FAT3: variants seen among roughly 807,000 people sequenced by gnomAD.
FAT3 encodes the protein protocadherin Fat 3.
Under a neutral mutation model 310.2 loss-of-function variants are expected in FAT3, and 95 were observed. The observed-to-expected ratio is 0.31, with a 90% CI of 0.26 to 0.36. The LOEUF is 0.36. Among genes scored for constraint, FAT3 ranks in the 10% least tolerant of loss-of-function variants. FAT3 has a pLI of 1.00. For synonymous variants in FAT3, 2,314 were observed against 2,192.9 expected (o/e 1.06, Z -1.54); for missense variants, 5,408 against 5,715.6 (o/e 0.95, Z 1.74).
chr11:92,574,683 G>T (rs1370226790), intron 3 of FAT3, among the ~76,000 whole-genome samples: 1 of 152,126 alleles, frequency 6.6e-6, no homozygotes, highest in Non-Finnish European at 1.5e-5. Context: ...CCAAATCATG[G>T]TGAGCTTCTA....
intron 1 of FAT3, among the ~76,000 whole-genome samples, chr11:92,265,522 T>C (rs1211432258): frequency 6.6e-6 from 1 of 152,026 alleles, no homozygotes; most frequent in Non-Finnish European, 1.5e-5. Context: ...GGAACACTTC[T>C]GGTGTGGGGT....
At chr11:92,287,479 A>G (rs1455208778) in intron 1 of FAT3, among the ~76,000 whole-genome samples, 2 of 152,142 alleles carry the variant, frequency 1.3e-5, no homozygotes, top group South Asian at 2.1e-4. Context: ...AATGTACAGT[A>G]TAATATTTTG....
At chr11:92,563,842 AT>A (rs925644322) in intron 3 of FAT3, among the ~76,000 whole-genome samples, 2 of 152,140 alleles carry the variant, frequency 1.3e-5, no homozygotes, top group African/African-American at 4.8e-5. Flanking sequence ...ATGCTGAGAG[AT>A]TTTGTCACCA....
chr11:92,793,134 A>G (rs987642988), intron 9 of FAT3, among the ~76,000 whole-genome samples, 157 bp downstream of exon 9: 10 of 152,198 alleles, frequency 6.6e-5, no homozygotes, highest in Non-Finnish European at 1.5e-4. Flanking sequence ...ATGATGGTGG[A>G]TAACGTTCTT....
chr11:92,565,903 A>G (rs1032140438), intron 3 of FAT3, among the ~76,000 whole-genome samples: 10 of 152,230 alleles, frequency 6.6e-5, no homozygotes, highest in Non-Finnish European at 1.3e-4. Context: ...AATAAGAGCT[A>G]TCTATGACAA....
chr11:92,885,476 CAG>C (rs1003796868), intron 24 of FAT3, among the ~76,000 whole-genome samples: 14 of 152,318 alleles, frequency 9.2e-5, no homozygotes, highest in Admixed American at 9.1e-4. Context: ...TTGGTGATAA[CAG>C]AGGGCCAAGA....
chr11:92,504,971 G>A (rs1004034891), intron 2 of FAT3, among the ~76,000 whole-genome samples: 2 of 152,132 alleles, frequency 1.3e-5, no homozygotes, highest in South Asian at 2.1e-4. Context: ...GAAGTGTTCA[G>A]TTTGTGTCTT....
intron 23 of FAT3, among the ~76,000 whole-genome samples, chr11:92,881,461 G>A (rs1204532941): frequency 6.6e-6 from 1 of 152,042 alleles, no homozygotes; most frequent in East Asian, 2.0e-4. Flanking sequence ...TTACAGATCA[G>A]TCTTACTTAT....
rs1217852933 is a variant in FAT3, at chr11:92,314,387, G to A, written c.-17-37709G>A. The A allele has an allele frequency of 4.8e-6, 3 of 631,362 alleles. No homozygotes were observed. The Admixed American group carries it at 1.9e-4, about 40-fold the overall frequency. 39.1% of individuals were successfully genotyped at this position (631,362 alleles called of 1,614,324 possible). A position where few individuals can be genotyped will look rare whatever the true frequency, so the allele number is the denominator to read the frequency against. ...AAACATATGAAGCCCCTCATTGCAT[G>A]AAACAAGGAAAATGCTGGACTGGTT... On this transcript the variant is annotated intron_variant, in intron 1 of 27. Coordinates refer to ENST00000525166, the MANE Select transcript of FAT3 (RefSeq NM_001367949.2).
At chr11:92,343,707 G>A (rs16917401) in intron 1 of FAT3, among the ~76,000 whole-genome samples, 10,120 of 152,184 alleles carry the variant, frequency 0.066, 1,121 homozygotes, top group African/African-American at 0.22. Context: ...TCATTCTTCA[G>A]TCGAAATGTG....
chr11:92,352,667 A>C lies in FAT3; in HGVS notation c.555A>C (p.Ala185=). The change falls in exon 2 of 28, where the codon GCA becomes GCC. Residue 185 remains alanine, a synonymous_variant. Coordinates refer to ENST00000525166, the MANE Select transcript of FAT3 (RefSeq NM_001367949.2). Reference sequence around the variant, plus strand: ...TTGCCCAGGTGACTGCAACAGACGCAGATATTGGTTCCAATGGAGAATTCT... The same window carrying C: ...TTGCCCAGGTGACTGCAACAGACGCCGATATTGGTTCCAATGGAGAATTCT... ...TSVAQVTATD[A]DIGSNGEFYY... is the part of the protein sequence containing the mutation. 1 of 1,613,876 alleles carries C rather than the reference A, an allele frequency of 6.2e-7. No homozygotes were observed. The highest frequency in any genetic ancestry group is 8.5e-7 in the Non-Finnish European group (1 of 1,179,862).
intron 3 of FAT3, among the ~76,000 whole-genome samples, chr11:92,660,056 C>T (rs1003889151): frequency 2.6e-5 from 4 of 152,076 alleles, no homozygotes; most frequent in African/African-American, 9.7e-5. Flanking sequence ...AAAACCACGG[C>T]AGACTTAGTG....
intron 3 of FAT3, among the ~76,000 whole-genome samples, chr11:92,551,790 C>T (rs569188548): frequency 6.6e-6 from 1 of 152,140 alleles, no homozygotes; most frequent in East Asian, 1.9e-4. Context: ...TTTCAACTTT[C>T]GGGTTTCTTT....
intron 4 of FAT3, among the ~76,000 whole-genome samples, chr11:92,703,660 A>G (rs760524156): frequency 6.6e-6 from 1 of 152,334 alleles, no homozygotes; most frequent in South Asian, 2.1e-4. Context: ...TTCTTATTGT[A>G]TCAACCTCGA....
intron 1 of FAT3, among the ~76,000 whole-genome samples, chr11:92,345,619 T>G (rs1465688222): frequency 6.6e-6 from 1 of 152,200 alleles, no homozygotes; most frequent in Non-Finnish European, 1.5e-5. Context: ...GAAGAAGTGG[T>G]GCTCACATTT....
At chr11:92,309,657 C>A (rs1947245072) in intron 1 of FAT3, among the ~76,000 whole-genome samples, 1 of 152,076 alleles carries the variant, frequency 6.6e-6, no homozygotes, top group African/African-American at 2.4e-5. Context: ...CTTCTTGTTA[C>A]CCTGGTAGCT....
chr11:92,813,216 C>T (rs1565618655), intron 13 of FAT3, among the ~76,000 whole-genome samples: 1 of 152,116 alleles, frequency 6.6e-6, no homozygotes, highest in Non-Finnish European at 1.5e-5. Context: ...ACTTGTGTTA[C>T]CTCCTGACCT....
intron 3 of FAT3, among the ~76,000 whole-genome samples, chr11:92,652,991 C>T (rs999464676): frequency 2.6e-5 from 4 of 152,178 alleles, no homozygotes; most frequent in East Asian, 1.9e-4. Flanking sequence ...GGTGAAACCC[C>T]GTCTCTACTA....
At chr11:92,710,244 A>G (rs926452290) in intron 4 of FAT3, among the ~76,000 whole-genome samples, 1 of 152,204 alleles carries the variant, frequency 6.6e-6, no homozygotes, top group Non-Finnish European at 1.5e-5. Flanking sequence ...GACTTTCCCC[A>G]TATTGAGAGA....
Sources: gnomAD v4.1 joint callset for allele counts (sites outside exome capture counted in the v4.1 genomes callset) on GRCh38, gnomAD v4.1.1 for gene constraint, MANE v1.5 for transcripts, NCBI Gene and HGNC (gene_info 2026-07-23, HGNC 2026-07-21) for gene names.